The following ZBTB44 variants were observed in gnomAD, a reference collection of about 807,000 sequenced individuals.
ZBTB44 encodes zinc finger and BTB domain-containing protein 44.
In ZBTB44, 15 loss-of-function variants were observed where a neutral mutation model predicts 54.0. The ratio of observed to expected loss-of-function variants is 0.28; its 90% CI spans 0.19 to 0.43. The LOEUF is 0.43. Ranked by LOEUF, ZBTB44 falls within the 20% of genes least tolerant of loss-of-function variation. The probability of loss-of-function intolerance (pLI) is 1.00; values close to 1 mark genes in which losing one functional copy is unlikely to be tolerated. For missense variants in ZBTB44, 487 were observed against 707.1 expected (o/e 0.69, Z 3.53); for synonymous variants, 230 against 250.1 (o/e 0.92, Z 0.76).
chr11:130,276,116 C>T (rs1404815279), intron 1 of ZBTB44, among the ~76,000 whole-genome samples: 1 of 150,976 alleles, frequency 6.6e-6, no homozygotes, highest in Non-Finnish European at 1.5e-5. Flanking sequence ...ATCCCAGTGA[C>T]TGGGGAAGCT....
At chr11:130,278,505 T>C (rs1940269726) in intron 1 of ZBTB44, among the ~76,000 whole-genome samples, 1 of 152,194 alleles carries the variant, frequency 6.6e-6, no homozygotes, top group African/African-American at 2.4e-5. Context: ...TCTATTGCTA[T>C]ATCATTTTCT....
chr11:130,281,792 C>T (rs961424132), intron 1 of ZBTB44, among the ~76,000 whole-genome samples: 68 of 7,916 alleles, frequency 8.6e-3, no homozygotes, highest in Non-Finnish European at 0.02. Context: ...GACGGGGTTT[C>T]GCCGGGGTTT....
chr11:130,295,137 C>T (rs1348224907), intron 1 of ZBTB44, among the ~76,000 whole-genome samples: 3 of 152,062 alleles, frequency 2.0e-5, no homozygotes, highest in Admixed American at 1.3e-4. Context: ...ACTCAAACTG[C>T]GGCACCAGAA....
chr11:130,286,506 G>A (rs1358260017), intron 1 of ZBTB44, among the ~76,000 whole-genome samples: 1 of 152,030 alleles, frequency 6.6e-6, no homozygotes, highest in East Asian at 1.9e-4. Flanking sequence ...AGACACTCGT[G>A]GTATCCCTGT....
chr11:130,295,952 T>C, intron 1 of ZBTB44: 1 of 1,530,114 alleles, frequency 6.5e-7, no homozygotes, highest in South Asian at 1.1e-5. Flanking sequence ...GCTAATGGGA[T>C]CAACATCACT....
At chr11:130,263,767 G>A (rs575472477) in intron 1 of ZBTB44, among the ~76,000 whole-genome samples, 1 of 152,330 alleles carries the variant, frequency 6.6e-6, no homozygotes, top group East Asian at 1.9e-4. Flanking sequence ...GAGTAGATAT[G>A]AAAAGGATTT....
In ZBTB44 at chr11:130,228,418, C is replaced by T. The variant is rs183415426; in HGVS notation, c.*3346G>A. The T allele has an allele frequency of 1.3e-5, 2 of 152,284 alleles. No individual in the cohort carries two copies. Among genetic ancestry groups the T allele is most frequent in the Admixed American group, 1.3e-4 (2 of 15,282 alleles). 9.4% of individuals were successfully genotyped at this position (152,284 alleles called of 1,614,324 possible). Reference sequence around the variant, plus strand: ...AATGGACTACTCTCATTATGAGAGACTTTACACAGCATCTGTCAACTTGAA... The same window carrying T: ...AATGGACTACTCTCATTATGAGAGATTTTACACAGCATCTGTCAACTTGAA... On this transcript the variant is annotated 3_prime_UTR_variant, in exon 8 of 8. Coordinates refer to ENST00000357899, the MANE Select transcript of ZBTB44 (RefSeq NM_001301098.2).
At chr11:130,296,171 G>A in intron 1 of ZBTB44, 1 of 1,378,798 alleles carries the variant, frequency 7.3e-7, no homozygotes, top group Non-Finnish European at 1.0e-6. Flanking sequence ...TTGAAGGTTG[G>A]CAAGGATTTC....
At chr11:130,301,037 T>C (rs1228894470) in intron 1 of ZBTB44, among the ~76,000 whole-genome samples, 2 of 152,110 alleles carry the variant, frequency 1.3e-5, no homozygotes, top group Non-Finnish European at 2.9e-5. Context: ...TGATTTTTGT[T>C]GGAAAAGACA....
chr11:130,231,115 T>C lies in ZBTB44; in HGVS notation c.*649A>G, dbSNP rs551661808. The C allele has an allele frequency of 2.0e-5, 3 of 152,246 alleles. No individual in the cohort carries two copies. The highest frequency in any genetic ancestry group is 1.3e-4 in the Admixed American group (2 of 15,298). 9.4% of individuals were successfully genotyped at this position (152,246 alleles called of 1,614,324 possible). On this transcript the variant is annotated 3_prime_UTR_variant, in exon 8 of 8. Coordinates refer to ENST00000357899, the MANE Select transcript of ZBTB44 (RefSeq NM_001301098.2). ...TAATGAATGGGATAATATAACTGGC[T>C]ATCTCTTTGCAATATTTTCAATATG...
At chr11:130,234,039 G>A in intron 6 of ZBTB44, 117 bp downstream of exon 6, 1 of 1,528,234 alleles carries the variant, frequency 6.5e-7, no homozygotes, top group African/African-American at 1.4e-5. Flanking sequence ...GGTCATCTCT[G>A]GTTGCCTCAG....
chr11:130,256,744 AT>A (rs1938475531), intron 2 of ZBTB44, among the ~76,000 whole-genome samples: 1 of 152,212 alleles, frequency 6.6e-6, no homozygotes, highest in Non-Finnish European at 1.5e-5. Context: ...GATGGAACAT[AT>A]CTCAAAATAT....
At chr11:130,265,646 C>CA (rs1440860613) in intron 1 of ZBTB44, among the ~76,000 whole-genome samples, 1 of 152,220 alleles carries the variant, frequency 6.6e-6, no homozygotes, top group Non-Finnish European at 1.5e-5. Flanking sequence ...CCAGTGCACA[C>CA]ACAAATGATG....
At chr11:130,247,731 A>T (rs764044806) in intron 2 of ZBTB44, among the ~76,000 whole-genome samples, 8 of 152,230 alleles carry the variant, frequency 5.3e-5, no homozygotes, top group Non-Finnish European at 8.8e-5. Context: ...TGGTAAAAAC[A>T]TAAGCCAGTG....
At chr11:130,268,221 T>TAAAAAAAAA (rs1157408386) in intron 1 of ZBTB44, among the ~76,000 whole-genome samples, 6 of 141,024 alleles carry the variant, frequency 4.3e-5, no homozygotes, top group African/African-American at 1.7e-4. Flanking sequence ...CACGTCTAAT[T>TAAAAAAAAA]TAAAAAAAAA....
chr11:130,295,627 AG>A, intron 1 of ZBTB44: 1 of 826,378 alleles, frequency 1.2e-6, no homozygotes, highest in Non-Finnish European at 2.0e-6. Flanking sequence ...AAAACTCTGA[AG>A]TTAAAAAAAA....
rs1389247530 is a variant in ZBTB44 at position 130,228,046 on chromosome 11, A to AAGAT, written c.*3714_*3717dup. 6.6e-6 allele frequency: 1 copy of AAGAT among 152,226 alleles called. No homozygotes were observed. Among genetic ancestry groups the AAGAT allele is most frequent in the East Asian group, 1.9e-4 (1 of 5,200 alleles). 9.4% of individuals were successfully genotyped at this position (152,226 alleles called of 1,614,324 possible). On this transcript the variant is annotated 3_prime_UTR_variant, in exon 8 of 8. Transcript: ENST00000357899. ...GGATTTTTATAAAATGGCTTTTGAA[A>AAGAT]AGATAGTAGAGGCACAAAGAAGCCA...
At chr11:130,270,273 C>T (rs1939572007) in intron 1 of ZBTB44, among the ~76,000 whole-genome samples, 1 of 152,130 alleles carries the variant, frequency 6.6e-6, no homozygotes, top group Admixed American at 6.5e-5. Flanking sequence ...TCACTCGCAG[C>T]TTATATTCTA....
intron 2 of ZBTB44, among the ~76,000 whole-genome samples, chr11:130,241,621 A>T (rs7932715): frequency 6.6e-6 from 1 of 152,146 alleles, no homozygotes; most frequent in South Asian, 2.1e-4. Flanking sequence ...TCAGTGATAC[A>T]TACTACAAAT....
Sources: gnomAD v4.1 joint callset for allele counts (sites outside exome capture counted in the v4.1 genomes callset) on GRCh38, gnomAD v4.1.1 for gene constraint, MANE v1.5 for transcripts, NCBI Gene and HGNC (gene_info 2026-07-23, HGNC 2026-07-21) for gene names.